The following ABR variants were observed in gnomAD, a reference collection of about 807,000 sequenced individuals.
ABR encodes the protein ABR activator of RhoGEF and GTPase, also known as active breakpoint cluster region-related protein.
ABR carries 35 observed loss-of-function variants against 107.2 expected under a neutral mutation model. That is an observed-to-expected ratio of 0.33 (90% CI 0.25 to 0.43). The LOEUF (loss-of-function observed/expected upper bound fraction) is 0.43. ABR is among the 20% of genes least tolerant of loss of function. The probability of loss-of-function intolerance (pLI) is 1.00; values close to 1 mark genes in which losing one functional copy is unlikely to be tolerated. For missense variants in ABR, 815 were observed against 1,115.2 expected, an observed-to-expected ratio of 0.73 and a Z score of 3.83; for synonymous variants, 498 against 462.0, an observed-to-expected ratio of 1.08 and a Z score of -1.00.
intron 1 of ABR, among the ~76,000 whole-genome samples, chr17:1,204,226 C>T (rs1030511837): frequency 6.6e-6 from 1 of 152,226 alleles, no homozygotes; most frequent in Non-Finnish European, 1.5e-5. Flanking sequence ...GGGCGGATCA[C>T]CTGAGGTTGG....
At chr17:1,156,210 C>T (rs1412902306) in intron 1 of ABR, 2 of 152,288 alleles carry the variant, frequency 1.3e-5, no homozygotes, top group African/African-American at 4.8e-5. Flanking sequence ...GAGCCTAGGC[C>T]TCCGGCTGCA....
intron 2 of ABR, among the ~76,000 whole-genome samples, chr17:1,103,569 G>A (rs982639444): frequency 6.6e-6 from 1 of 152,168 alleles, no homozygotes. Context: ...CATCCCCCCT[G>A]GCACGAGCAT....
intron 3 of ABR, among the ~76,000 whole-genome samples, chr17:1,098,202 G>A (rs1334560613): frequency 6.6e-6 from 1 of 151,804 alleles, no homozygotes; most frequent in Non-Finnish European, 1.5e-5. Flanking sequence ...CCTCCCGAGT[G>A]GCTGGGACTA....
chr17:1,193,510 C>T (rs1319024494), intron 1 of ABR, among the ~76,000 whole-genome samples: 1 of 152,166 alleles, frequency 6.6e-6, no homozygotes. Flanking sequence ...CAAGTTCTCA[C>T]TCGGGTCTGG....
chr17:1,090,844 C>T (rs772659035), intron 4 of ABR, among the ~76,000 whole-genome samples: 19 of 152,234 alleles, frequency 1.2e-4, no homozygotes, highest in Admixed American at 5.9e-4. Flanking sequence ...GACTCCCAGT[C>T]TCCCTCTTGC....
At chr17:1,226,379 A>G (rs997741417) in intron 1 of ABR, among the ~76,000 whole-genome samples, 21 of 151,970 alleles carry the variant, frequency 1.4e-4, no homozygotes. Flanking sequence ...GTGCACATGT[A>G]TGTACATGTG....
At chr17:1,030,118 G>A (rs943520615) in intron 16 of ABR, among the ~76,000 whole-genome samples, 22 of 152,240 alleles carry the variant, frequency 1.4e-4, no homozygotes, top group African/African-American at 4.8e-4. Flanking sequence ...ATCAGACACG[G>A]AGCCACCAGG....
chr17:1,132,701 G>A (rs992639846), intron 1 of ABR, among the ~76,000 whole-genome samples: 2 of 152,096 alleles, frequency 1.3e-5, no homozygotes, highest in Non-Finnish European at 2.9e-5. Context: ...ACAAGCCAAT[G>A]AGAAAAGATG....
chr17:1,013,851 G>A (rs966392639), intron 16 of ABR, among the ~76,000 whole-genome samples: 1 of 152,212 alleles, frequency 6.6e-6, no homozygotes, highest in Non-Finnish European at 1.5e-5. Flanking sequence ...GCGGACCCCA[G>A]GGGAGGTCAG....
chr17:1,028,256 A>C (rs1247380951), intron 16 of ABR, among the ~76,000 whole-genome samples: 1 of 141,210 alleles, frequency 7.1e-6, no homozygotes, highest in Non-Finnish European at 1.5e-5. Flanking sequence ...ATGCCCGGCT[A>C]TTTTTTTTTT....
At chr17:1,113,927 G>C (rs1233034461) in intron 2 of ABR, among the ~76,000 whole-genome samples, 4 of 152,188 alleles carry the variant, frequency 2.6e-5, no homozygotes, top group African/African-American at 9.7e-5. Flanking sequence ...CAACAGTTCG[G>C]GAGGCCGAGG....
At chr17:1,139,638 C>T (rs149470028) in intron 1 of ABR, among the ~76,000 whole-genome samples, 423 of 152,162 alleles carry the variant, frequency 2.8e-3, no homozygotes, top group African/African-American at 9.3e-3. Context: ...TTTCTGCCTC[C>T]GTACCATTAT....
At chr17:1,031,434 G>A (rs1567613197) in intron 16 of ABR, among the ~76,000 whole-genome samples, 1 of 152,238 alleles carries the variant, frequency 6.6e-6, no homozygotes, top group East Asian at 1.9e-4. Flanking sequence ...TCGCCATCAA[G>A]TTCAAGCCAC....
chr17:1,041,983 T>C (rs921752748), intron 16 of ABR, among the ~76,000 whole-genome samples: 4 of 152,170 alleles, frequency 2.6e-5, no homozygotes, highest in African/African-American at 7.2e-5. Flanking sequence ...AGGAGACTAA[T>C]AGTGACCAGT....
At chr17:1,060,377 T>C (rs931066830) in intron 10 of ABR, among the ~76,000 whole-genome samples, 1 of 151,856 alleles carries the variant, frequency 6.6e-6, no homozygotes, top group Non-Finnish European at 1.5e-5. Flanking sequence ...ACCAGTGCAC[T>C]CCAGCCTGGG....
chr17:1,150,309 T>C lies in ABR; in HGVS notation c.62-24942A>G, dbSNP rs1166662603. ...GTCTGCACTCAGATCTCCTCTCTCA[T>C]CTTTTGCCCACAATGGGAAAGGAGG... On this transcript the variant is annotated intron_variant, in intron 1 of 22. Coordinates refer to ENST00000302538, the MANE Select transcript of ABR (RefSeq NM_021962.5). This position sits in a 1 kb window ranked among gnomAD's most constrained non-coding sequence, Gnocchi z 4.8. 1.3e-5 allele frequency among the ~76,000 whole-genome samples: 2 copies of C among 152,194 alleles called. No individual in the cohort carries two copies. The highest frequency in any genetic ancestry group is 2.9e-5 in the Non-Finnish European group (2 of 68,034).
chr17:1,219,680 G>A (rs2043080495), intron 1 of ABR, among the ~76,000 whole-genome samples: 1 of 139,530 alleles, frequency 7.2e-6, no homozygotes, highest in Non-Finnish European at 1.5e-5. Flanking sequence ...GAACCCAGGA[G>A]GCGGAGGTTA....
At chr17:1,173,395 C>T (rs1306853253) in intron 1 of ABR, among the ~76,000 whole-genome samples, 2 of 149,998 alleles carry the variant, frequency 1.3e-5, no homozygotes, top group Non-Finnish European at 3.0e-5. Flanking sequence ...CACCAACACC[C>T]GCCACCACCA....
intron 2 of ABR, among the ~76,000 whole-genome samples, chr17:1,101,818 C>T (rs1260811789): frequency 6.6e-6 from 1 of 151,676 alleles, no homozygotes; most frequent in Admixed American, 6.6e-5. Flanking sequence ...ACTGCAAGCT[C>T]CGCCTCCCGG....
Sources: gnomAD v4.1 joint callset for allele counts (sites outside exome capture counted in the v4.1 genomes callset) on GRCh38, gnomAD v4.1.1 for gene constraint, Gnocchi (gnomAD v3.1) non-coding constraint, MANE v1.5 for transcripts, NCBI Gene and HGNC (gene_info 2026-07-23, HGNC 2026-07-21) for gene names.